Variants in STMN4 observed in about 807,000 individuals in gnomAD.
STMN4 encodes the protein stathmin 4, also known as stathmin-4.
In STMN4, 12 loss-of-function variants were observed where a neutral mutation model predicts 29.1. The ratio of observed to expected loss-of-function variants is 0.41; its 90% CI spans 0.26 to 0.67. The LOEUF is 0.67. STMN4 is among the 30% of genes least tolerant of loss of function. The pLI, the probability that STMN4 is intolerant of heterozygous loss-of-function variation, is 0.30. For synonymous variants in STMN4, 114 were observed against 105.3 expected (o/e 1.08, Z -0.51); for missense variants, 181 against 262.8 (o/e 0.69, Z 2.15).
intron 6 of STMN4, 103 bp downstream of exon 6, chr8:27,239,868 G>T (rs1801413864): frequency 6.3e-7 from 1 of 1,588,340 alleles, no homozygotes. Flanking sequence ...ATTTTTGCCT[G>T]AGGCTGCTTC....
rs989586695 is a variant in STMN4 at position 27,236,784 on chromosome 8, C to A, written c.*62G>T. 3 of 1,473,940 alleles carry A rather than the reference C, an allele frequency of 2.0e-6. No individual in the cohort carries two copies. Among genetic ancestry groups the A allele is most frequent in the Non-Finnish European group, 2.7e-6 (3 of 1,106,006 alleles). The allele number at this position is 1,473,940 out of a possible 1,614,324, so 91.3% of individuals were successfully genotyped here. A position where few individuals can be genotyped will look rare whatever the true frequency, so the allele number is the denominator to read the frequency against. On this transcript the variant is annotated 3_prime_UTR_variant, in exon 7 of 7. Coordinates refer to ENST00000350889, the MANE Select transcript of STMN4 (RefSeq NM_030795.4). The stretch of plus-strand genomic sequence containing the variant: ...GGAGCGCAGCCGGCGGGCGAGGCTG[C>A]CTGGAACGTGGAGCTGCTGGAGCTG...
chr8:27,243,950 TC>T, intron 1 of STMN4, 149 bp from the exon 2 acceptor site: 1 of 662,478 alleles, frequency 1.5e-6, no homozygotes, highest in Non-Finnish European at 2.6e-6. Context: ...TCCCTGGGGG[TC>T]CCCTACCCCG....
At position 27,241,268 on chromosome 8, in the gene STMN4, G is replaced by A. The variant is rs1801462321; in HGVS notation, c.191-6C>T. The stretch of plus-strand genomic sequence containing the variant: ...ATTCAGGTCCACCGTGTCTGCTACA[G>A]AGGGCAGAGAAGGGGCTGCTCACGT... On this transcript the variant is annotated splice_polypyrimidine_tract_variant and splice_region_variant and intron_variant, in intron 4 of 6. Coordinates refer to ENST00000350889, the MANE Select transcript of STMN4 (RefSeq NM_030795.4). The A allele has an allele frequency of 1.2e-6, 2 of 1,614,146 alleles. No individual in the cohort carries two copies. The highest frequency in any genetic ancestry group is 1.7e-6 in the Non-Finnish European group (2 of 1,180,020).
Position 27,241,864 on chromosome 8 carries a change from G to A in STMN4, c.110-107C>T, listed in dbSNP as rs1032133773. 80 of 1,351,058 alleles carry A rather than the reference G, an allele frequency of 5.9e-5. 1 individual carries two copies. In the Admixed American group the frequency reaches 1.2e-3, roughly 21 times the overall value. 83.7% of individuals were successfully genotyped at this position (1,351,058 alleles called of 1,614,324 possible). ...AACCAGGACATTAGGAGGTGACCTG[G>A]TCCCCGAGCACCCCTGGTGAGGACG... On this transcript the variant is annotated intron_variant, in intron 3 of 6. Transcript: ENST00000350889.
chr8:27,246,705 G>C (rs986906920), intron 1 of STMN4, among the ~76,000 whole-genome samples: 1 of 152,156 alleles, frequency 6.6e-6, no homozygotes, highest in Non-Finnish European at 1.5e-5. Context: ...TGGGAGTAAG[G>C]CAGCCACAAG....
At chr8:27,238,827 G>A (rs933360534) in intron 6 of STMN4, among the ~76,000 whole-genome samples, 2 of 152,262 alleles carry the variant, frequency 1.3e-5, no homozygotes, top group Non-Finnish European at 2.9e-5. Flanking sequence ...TGTGAGGATA[G>A]TGGCGAGAGG....
At chr8:27,257,803 C>T (rs573564657) in intron 1 of STMN4, among the ~76,000 whole-genome samples, 1 of 152,258 alleles carries the variant, frequency 6.6e-6, no homozygotes, top group East Asian at 1.9e-4. Context: ...ATTAGGCTGA[C>T]CTCAGGGTGG....
At chr8:27,242,534 G>A (rs903305587) in intron 2 of STMN4, 42 bp from the exon 3 acceptor site, 10 of 1,597,550 alleles carry the variant, frequency 6.3e-6, no homozygotes, top group Middle Eastern at 3.3e-4. Context: ...GCCTCTCCTA[G>A]CCTCAGAAGT....
intron 1 of STMN4, among the ~76,000 whole-genome samples, chr8:27,254,667 G>T (rs967930303): frequency 1.4e-5 from 2 of 146,290 alleles, no homozygotes; most frequent in South Asian, 2.2e-4. Context: ...CAGATGTGGG[G>T]GTTCATGTGT....
intron 6 of STMN4, among the ~76,000 whole-genome samples, chr8:27,238,194 G>T (rs975995530): frequency 1.3e-5 from 2 of 152,194 alleles, no homozygotes; most frequent in African/African-American, 2.4e-5. Flanking sequence ...TCTGGGGAAG[G>T]TTCCAAGTAT....
Position 27,241,281 on chromosome 8 carries a change from G to C in STMN4, c.191-19C>G. 6.2e-7 allele frequency: 1 copy of C among 1,613,982 alleles called. No homozygotes were observed. Among genetic ancestry groups the C allele is most frequent in the Non-Finnish European group, 8.5e-7 (1 of 1,179,992 alleles). On this transcript the variant is annotated intron_variant, in intron 4 of 6. Coordinates refer to ENST00000350889, the MANE Select transcript of STMN4 (RefSeq NM_030795.4). ...GTGTCTGCTACAGAGGGCAGAGAAGGGGCTGCTCACGTCCTGAAGAATGCA... is the reference window on the plus strand; with the variant it reads ...GTGTCTGCTACAGAGGGCAGAGAAGCGGCTGCTCACGTCCTGAAGAATGCA...
intron 6 of STMN4, 166 bp downstream of exon 6, chr8:27,239,805 C>G: frequency 6.5e-7 from 1 of 1,539,372 alleles, no homozygotes; most frequent in Non-Finnish European, 8.7e-7. Flanking sequence ...CCTCTGACTT[C>G]CCTGATCATC....
chr8:27,240,229 G>T (rs1562331), intron 5 of STMN4, 67 bp from the exon 6 acceptor site: 3 of 1,540,576 alleles, frequency 1.9e-6, no homozygotes, highest in Non-Finnish European at 2.6e-6. Flanking sequence ...TTTCACCATC[G>T]TGGCTGAAAA....
chr8:27,237,403 C>T (rs1801340817), intron 6 of STMN4, among the ~76,000 whole-genome samples: 1 of 152,084 alleles, frequency 6.6e-6, no homozygotes, highest in African/African-American at 2.4e-5. Context: ...GATGAGGATT[C>T]TTTGATTTTC....
At chr8:27,253,863 A>T (rs932312077) in intron 1 of STMN4, among the ~76,000 whole-genome samples, 15 of 151,696 alleles carry the variant, frequency 9.9e-5, no homozygotes, top group East Asian at 7.7e-4. Flanking sequence ...GCTCACTGCA[A>T]CCTCCGCCTC....
chr8:27,254,035 A>T (rs903371581), intron 1 of STMN4, among the ~76,000 whole-genome samples: 5 of 152,154 alleles, frequency 3.3e-5, no homozygotes, highest in Non-Finnish European at 7.3e-5. Flanking sequence ...TGCCCACCTC[A>T]GCCTCCCAAA....
In STMN4 at chr8:27,244,663, C is replaced by T. The variant is rs572398435; in HGVS notation, c.-78-862G>A. ...GAGGGCATTGTGCAAGGGAACATCA[C>T]GGCCAAGGGTCGGGGTGAGAACGCC... On this transcript the variant is annotated intron_variant, in intron 1 of 6. Coordinates refer to ENST00000350889, the MANE Select transcript of STMN4 (RefSeq NM_030795.4). Among the ~76,000 whole-genome samples the T allele has an allele frequency of 7.9e-5, 12 of 151,874 alleles. No homozygotes were observed. The South Asian group carries it at 1.5e-3, about 18-fold the overall frequency.
chr8:27,241,196 G>A lies in STMN4; in HGVS notation c.257C>T (p.Thr86Ile). 6.2e-7 allele frequency: 1 copy of A among 1,614,196 alleles called. No individual in the cohort carries two copies. Residue 86 changes from threonine to isoleucine, a missense_variant, in exon 5 of 7, where the codon ACC (threonine) becomes ATC (isoleucine). Physicochemically the swap from Thr to Ile is moderately conservative, Grantham distance 89. Transcript: ENST00000350889. ...DMEVIELNKCTSGQSFEVILK... is the reference protein window; with the variant it reads ...DMEVIELNKCISGQSFEVILK... ...GATGACTTCAAAGGATTGGCCCGAGGTGCATTTGTTCAGCTCGATGACTTC... is the reference window on the plus strand; with the variant it reads ...GATGACTTCAAAGGATTGGCCCGAGATGCATTTGTTCAGCTCGATGACTTC...
At chr8:27,239,246 C>T (rs1489188721) in intron 6 of STMN4, 1 of 1,535,626 alleles carries the variant, frequency 6.5e-7, no homozygotes, top group Non-Finnish European at 8.7e-7. Context: ...GGCCACCGAT[C>T]AGGTCCCGGG....
Sources: allele counts gnomAD v4.1 joint callset (sites outside exome capture counted in the v4.1 genomes callset), GRCh38; gene constraint gnomAD v4.1.1; transcripts MANE v1.5; gene names NCBI Gene and HGNC (gene_info 2026-07-23, HGNC 2026-07-21).